Variants in XKR4 observed in about 807,000 individuals in gnomAD.
XKR4 encodes the protein XK-related protein 4.
XKR4 carries 12 observed loss-of-function variants against 53.9 expected under a neutral mutation model. The observed-to-expected ratio is 0.22, with a 90% confidence interval of 0.14 to 0.36. XKR4 has a LOEUF of 0.36. XKR4 is among the 10% of genes least tolerant of loss of function. The pLI is 1.00. For missense variants in XKR4, 799 were observed against 859.5 expected, an observed-to-expected ratio of 0.93 and a Z score of 0.88; for synonymous variants, 354 against 362.4, an observed-to-expected ratio of 0.98 and a Z score of 0.26.
In XKR4 at chr8:55,337,618, C is replaced by T. The variant is rs16921621; in HGVS notation, c.807-20060C>T. Among the ~76,000 whole-genome samples the T allele has an allele frequency of 4.5e-4, 69 of 151,990 alleles. 1 individual carries two copies. The South Asian group carries it at 8.7e-3, about 19-fold the overall frequency. ...ACAGAGGCCAGTGAAAGAGAAAGAA[C>T]GACAAAGGGAAACGATGAAAGAATT... is the stretch of plus-strand genomic sequence containing the variant. On this transcript the variant is annotated intron_variant, in intron 1 of 2. Coordinates refer to ENST00000327381, the MANE Select transcript of XKR4 (RefSeq NM_052898.2).
intron 2 of XKR4, among the ~76,000 whole-genome samples, chr8:55,491,138 T>C (rs1033270404): frequency 6.6e-5 from 10 of 152,204 alleles, no homozygotes; most frequent in African/African-American, 1.9e-4. Context: ...GTATTTTTTA[T>C]TTCTGATATA....
At chr8:55,233,907 G>A (rs1210246586) in intron 1 of XKR4, among the ~76,000 whole-genome samples, 1 of 152,132 alleles carries the variant, frequency 6.6e-6, no homozygotes, top group East Asian at 1.9e-4. Context: ...TTACATTTAT[G>A]GACTTAGAGA....
chr8:55,282,251 T>G (rs1057074169), intron 1 of XKR4, among the ~76,000 whole-genome samples: 12 of 152,216 alleles, frequency 7.9e-5, no homozygotes, highest in African/African-American at 2.9e-4. Flanking sequence ...CAAAAATTCC[T>G]ATTGCCTTGT....
chr8:55,421,736 A>G (rs1804935791), intron 2 of XKR4, among the ~76,000 whole-genome samples: 2 of 152,348 alleles, frequency 1.3e-5, no homozygotes, highest in East Asian at 1.9e-4. Flanking sequence ...AGTTTGTTAC[A>G]ATAACCAAGT....
Position 55,357,882 on chromosome 8 carries a change from G to T in XKR4, c.1006+5G>T, listed in dbSNP as rs753683472. 1 of 1,603,826 alleles carries T rather than the reference G, an allele frequency of 6.2e-7. No homozygotes were observed. Among genetic ancestry groups the T allele is most frequent in the East Asian group, 2.2e-5 (1 of 44,600 alleles). On this transcript the variant is annotated splice_donor_5th_base_variant and intron_variant, in intron 2 of 2. Coordinates refer to ENST00000327381, the MANE Select transcript of XKR4 (RefSeq NM_052898.2). ...ATAGCTTACAGGCCCTCCAAGGTAA[G>T]GGCTTGCAATTTGGTTTCTGAATTT...
chr8:55,285,617 G>A (rs1342763607), intron 1 of XKR4, among the ~76,000 whole-genome samples: 2 of 152,186 alleles, frequency 1.3e-5, no homozygotes, highest in East Asian at 3.9e-4. Flanking sequence ...GAAACAGGAA[G>A]AGAACTCCTC....
intron 1 of XKR4, among the ~76,000 whole-genome samples, chr8:55,150,361 T>C (rs7000240): frequency 0.59 from 89,947 of 152,082 alleles, 27,496 homozygotes; most frequent in Middle Eastern, 0.77. Flanking sequence ...TTTTAGTATA[T>C]GGGTTGCTAA....
rs967039587 is a variant in XKR4 at position 55,186,466 on chromosome 8, T to C, written c.806+83172T>C. On this transcript the variant is annotated intron_variant, in intron 1 of 2. Coordinates refer to ENST00000327381, the MANE Select transcript of XKR4 (RefSeq NM_052898.2). ...GTCAGGAGATCGAGACCATCCTGGC[T>C]AACATGGTGAAACCCCGTCTCTACT... 8.6e-5 allele frequency among the ~76,000 whole-genome samples: 13 copies of C among 151,986 alleles called. No homozygotes were observed. In the South Asian group the frequency reaches 1.0e-3, roughly 12 times the overall value.
chr8:55,242,340 C>T (rs1392418642), intron 1 of XKR4, among the ~76,000 whole-genome samples: 2 of 152,040 alleles, frequency 1.3e-5, no homozygotes, highest in African/African-American at 2.4e-5. Flanking sequence ...GGTGGGAACC[C>T]GTCTACAGCA....
intron 1 of XKR4, among the ~76,000 whole-genome samples, chr8:55,341,232 G>T (rs771496218): frequency 1.3e-5 from 2 of 152,182 alleles, no homozygotes; most frequent in African/African-American, 2.4e-5. Flanking sequence ...TTTGTGGGCA[G>T]CTGGGACCCA....
rs1019342135 is a variant in XKR4, at chr8:55,528,422, T to C, written c.*4195T>C. On this transcript the variant is annotated 3_prime_UTR_variant, in exon 3 of 3. Transcript: ENST00000327381. ...TTGCTTTTAAATATACCAAATGCCG[T>C]TGATTGGAAACAAGTTCTGACACAA... The C allele has an allele frequency of 1.3e-5, 2 of 152,238 alleles. No homozygotes were observed. The highest frequency in any genetic ancestry group is 4.8e-5 in the African/African-American group (2 of 41,470). 9.4% of individuals were successfully genotyped at this position (152,238 alleles called of 1,614,324 possible). A position where few individuals can be genotyped will look rare whatever the true frequency, so the allele number is the denominator to read the frequency against.
chr8:55,386,775 A>G (rs894710166), intron 2 of XKR4, among the ~76,000 whole-genome samples: 8 of 152,240 alleles, frequency 5.3e-5, no homozygotes, highest in Non-Finnish European at 1.0e-4. Flanking sequence ...TTAAATTGAC[A>G]GGACTAGCTT....
intron 2 of XKR4, among the ~76,000 whole-genome samples, chr8:55,462,305 G>A (rs955630758): frequency 6.6e-6 from 1 of 152,230 alleles, no homozygotes; most frequent in African/African-American, 2.4e-5. Context: ...CCAGAAGAGA[G>A]TGGGGGCCAA....
chr8:55,454,679 A>T (rs1805529376), intron 2 of XKR4: 2 of 925,338 alleles, frequency 2.2e-6, no homozygotes, highest in East Asian at 2.4e-5. Flanking sequence ...TTCCCTGGGA[A>T]CACATTCAGG....
intron 2 of XKR4, chr8:55,450,800 A>G (rs1805427628): frequency 3.8e-6 from 2 of 523,516 alleles, no homozygotes; most frequent in Admixed American, 2.6e-5. Context: ...TGCACCAAGG[A>G]TACCACATGG....
intron 1 of XKR4, among the ~76,000 whole-genome samples, chr8:55,219,985 C>T (rs1029677221): frequency 3.3e-5 from 5 of 151,978 alleles, no homozygotes; most frequent in African/African-American, 7.2e-5. Context: ...AATAAGATTT[C>T]GTGATCTATT....
chr8:55,219,012 T>TTTC (rs1226889172), intron 1 of XKR4, among the ~76,000 whole-genome samples: 2 of 19,740 alleles, frequency 1.0e-4, no homozygotes, highest in Non-Finnish European at 3.9e-4. Flanking sequence ...AGAAGCAGTC[T>TTTC]TTTTTTTTTT....
chr8:55,347,397 G>T (rs192714054), intron 1 of XKR4, among the ~76,000 whole-genome samples: 1 of 152,260 alleles, frequency 6.6e-6, no homozygotes, highest in East Asian at 1.9e-4. Flanking sequence ...GGTGTAGTGG[G>T]GAGTTATGCA....
At chr8:55,346,933 A>G (rs1335753851) in intron 1 of XKR4, among the ~76,000 whole-genome samples, 1 of 152,220 alleles carries the variant, frequency 6.6e-6, no homozygotes, top group Non-Finnish European at 1.5e-5. Context: ...GCATAGTATC[A>G]TCATAGGTAT....
Sources: gnomAD v4.1 joint callset for allele counts (sites outside exome capture counted in the v4.1 genomes callset) on GRCh38, gnomAD v4.1.1 for gene constraint, MANE v1.5 for transcripts, NCBI Gene and HGNC (gene_info 2026-07-23, HGNC 2026-07-21) for gene names.